Variants in SLC24A2 observed in about 807,000 individuals in gnomAD.
SLC24A2 encodes solute carrier family 24 member 2, also known as sodium/potassium/calcium exchanger 2.
In SLC24A2, 36 loss-of-function variants were observed where a neutral mutation model predicts 62.0. The observed-to-expected ratio is 0.58, with a 90% CI of 0.44 to 0.77. The LOEUF (loss-of-function observed/expected upper bound fraction) is 0.77, where lower values mean the gene tolerates loss of function less well. Among genes scored for constraint, SLC24A2 ranks in the 30% least tolerant of loss-of-function variants. The pLI, the probability that SLC24A2 is intolerant of heterozygous loss-of-function variation, is 0.00. For missense variants in SLC24A2, 846 were observed against 817.9 expected (o/e 1.03, Z -0.42); for synonymous variants, 358 against 294.0 (o/e 1.22, Z -2.23).
At chr9:19,850,949 A>ACG in the SLC24A2 span, among the ~76,000 whole-genome samples, 56 of 39,494 alleles carry the variant, frequency 1.4e-3, no homozygotes, top group African/African-American at 3.3e-3. Flanking sequence ...ATATATACAT[A>ACG]TATATATATA....
At chr9:19,626,473 G>A (rs1383253389) in intron 2 of SLC24A2, among the ~76,000 whole-genome samples, 1 of 152,140 alleles carries the variant, frequency 6.6e-6, no homozygotes, top group Non-Finnish European at 1.5e-5. Flanking sequence ...TAAACAGTTC[G>A]TTGCTAAAGC....
chr9:19,832,414 A>G, the SLC24A2 span, among the ~76,000 whole-genome samples: 6 of 152,346 alleles, frequency 3.9e-5, 1 homozygote, highest in African/African-American at 1.2e-4. Context: ...GGATTCTGTC[A>G]AAATGATCAA....
At chr9:19,639,886 G>C (rs1005763707) in intron 2 of SLC24A2, among the ~76,000 whole-genome samples, 2 of 152,212 alleles carry the variant, frequency 1.3e-5, no homozygotes, top group African/African-American at 4.8e-5. Flanking sequence ...GAAAGACTAA[G>C]AGAAAGAAAA....
At chr9:19,889,842 G>T in the SLC24A2 span, among the ~76,000 whole-genome samples, 3 of 152,160 alleles carry the variant, frequency 2.0e-5, no homozygotes, top group African/African-American at 4.8e-5. Context: ...ACTTAGGGTT[G>T]TACTGTAGAT....
In SLC24A2 at chr9:19,621,185, C is replaced by G. The variant is rs138262238; in HGVS notation, c.969+1076G>C. Among the ~76,000 whole-genome samples the G allele has an allele frequency of 7.9e-4, 121 of 152,254 alleles. 1 individual carries two copies. Among genetic ancestry groups the G allele is most frequent in the African/African-American group, 2.8e-3 (118 of 41,556 alleles). On this transcript the variant is annotated intron_variant, in intron 3 of 10. Transcript: ENST00000341998. ...CACACATTTGGAGACAAACATGAAA[C>G]CCGTAGAAAGTATGAGTAAAATATC...
chr9:20,283,858 T>A, the SLC24A2 span, among the ~76,000 whole-genome samples: 1 of 152,088 alleles, frequency 6.6e-6, no homozygotes, highest in African/African-American at 2.4e-5. Flanking sequence ...CCCTCTGGAA[T>A]TGAGCAGGCA....
At chr9:20,188,656 C>T in the SLC24A2 span, among the ~76,000 whole-genome samples, 1 of 152,000 alleles carries the variant, frequency 6.6e-6, no homozygotes, top group Non-Finnish European at 1.5e-5. Flanking sequence ...GCAGAAGGGT[C>T]AGAGTCAGGT....
At chr9:19,999,711 T>C in the SLC24A2 span, among the ~76,000 whole-genome samples, 1 of 152,136 alleles carries the variant, frequency 6.6e-6, no homozygotes, top group Admixed American at 6.5e-5. Context: ...AAGCAGTCAG[T>C]GAGTGAGCAG....
chr9:20,045,532 A>C, the SLC24A2 span, among the ~76,000 whole-genome samples: 1 of 152,024 alleles, frequency 6.6e-6, no homozygotes, highest in Non-Finnish European at 1.5e-5. Context: ...CCCAGGTTCA[A>C]GCGACTCTCC....
chr9:20,029,224 G>A, the SLC24A2 span, among the ~76,000 whole-genome samples: 103 of 152,336 alleles, frequency 6.8e-4, 1 homozygote, highest in African/African-American at 2.0e-3. Flanking sequence ...GATACAGCCC[G>A]TGAGTCCATG....
At chr9:19,954,925 T>A in the SLC24A2 span, among the ~76,000 whole-genome samples, 30 of 152,162 alleles carry the variant, frequency 2.0e-4, no homozygotes, top group Non-Finnish European at 5.9e-5. Flanking sequence ...AACTTAAAAT[T>A]ATGTATGTAG....
the SLC24A2 span, among the ~76,000 whole-genome samples, chr9:19,942,785 A>C: frequency 1.3e-5 from 2 of 152,206 alleles, no homozygotes; most frequent in East Asian, 1.9e-4. Context: ...GTGTAAGAGA[A>C]AGTAAAGCAC....
At chr9:20,031,660 A>C in the SLC24A2 span, among the ~76,000 whole-genome samples, 6 of 152,296 alleles carry the variant, frequency 3.9e-5, no homozygotes, top group East Asian at 1.2e-3. Flanking sequence ...AAAAGGTGTC[A>C]CTACAAAACT....
At position 19,545,707 on chromosome 9, in the gene SLC24A2, T is replaced by C. The variant is rs1398283286; in HGVS notation, c.1479+4430A>G. On this transcript the variant is annotated intron_variant, in intron 8 of 10. Coordinates refer to ENST00000341998, the MANE Select transcript of SLC24A2 (RefSeq NM_020344.4). ...ACGCTGGAGTGCAGTGGTGCAATCA[T>C]GGCTCACTGCAAGCTCCACCTCCTG... 3.3e-5 allele frequency among the ~76,000 whole-genome samples: 5 copies of C among 151,950 alleles called. No homozygotes were observed. In the East Asian group the frequency reaches 5.8e-4, roughly 18 times the overall value.
the SLC24A2 span, among the ~76,000 whole-genome samples, chr9:20,102,180 A>G: frequency 6.6e-6 from 1 of 152,328 alleles, no homozygotes; most frequent in East Asian, 1.9e-4. Flanking sequence ...TAGATTGAGT[A>G]AGCCCATGGA....
the SLC24A2 span, among the ~76,000 whole-genome samples, chr9:19,916,335 G>T: frequency 7.9e-5 from 12 of 152,114 alleles, no homozygotes; most frequent in East Asian, 1.7e-3. Flanking sequence ...AAACTGAGAA[G>T]TGCGAGTCCT....
intron 2 of SLC24A2, among the ~76,000 whole-genome samples, chr9:19,695,164 G>C (rs950148124): frequency 6.6e-6 from 1 of 152,062 alleles, no homozygotes; most frequent in African/African-American, 2.4e-5. Flanking sequence ...GTGGGTAGAG[G>C]CTAGGGAAGC....
chr9:20,231,301 C>G, the SLC24A2 span, among the ~76,000 whole-genome samples: 1 of 152,104 alleles, frequency 6.6e-6, no homozygotes, highest in East Asian at 1.9e-4. Context: ...GGGGATGGCA[C>G]TGAATCTATA....
intron 5 of SLC24A2, among the ~76,000 whole-genome samples, chr9:19,580,269 T>C (rs1189787243): frequency 6.6e-6 from 1 of 152,208 alleles, no homozygotes; most frequent in Non-Finnish European, 1.5e-5. Flanking sequence ...GCGCTGACAA[T>C]GGCTGCGCCA....
Sources: gnomAD v4.1 joint callset for allele counts (sites outside exome capture counted in the v4.1 genomes callset) on GRCh38, gnomAD v4.1.1 for gene constraint, MANE v1.5 for transcripts, NCBI Gene and HGNC (gene_info 2026-07-23, HGNC 2026-07-21) for gene names.